MAPK4: variants seen among roughly 807,000 people sequenced by gnomAD.
MAPK4 encodes the protein Erk3-related.
In MAPK4, 22 loss-of-function variants were observed where a neutral mutation model predicts 47.7. That is an observed-to-expected ratio of 0.46 (90% CI 0.33 to 0.66). The LOEUF (loss-of-function observed/expected upper bound fraction) is 0.66. MAPK4 is among the 30% of genes least tolerant of loss of function. The pLI, the probability that MAPK4 is intolerant of heterozygous loss-of-function variation, is 0.02. For missense variants in MAPK4, 736 were observed against 831.7 expected, an observed-to-expected ratio of 0.88 and a Z score of 1.42; for synonymous variants, 390 against 365.7, an observed-to-expected ratio of 1.07 and a Z score of -0.76.
chr18:50,614,919 T>A (rs940199786), intron 1 of MAPK4, among the ~76,000 whole-genome samples: 1 of 151,886 alleles, frequency 6.6e-6, no homozygotes, highest in South Asian at 2.1e-4. Context: ...GAGGGAGGAG[T>A]TGTTGAGTCA....
At position 50,729,291 on chromosome 18, in the gene MAPK4, T is replaced by G. The variant is rs1911387653; in HGVS notation, c.1201T>G (p.Ser401Ala). ...EDVQVDPRKDSHSSSERFLEQ... is the reference protein window; with the variant it reads ...EDVQVDPRKDAHSSSERFLEQ... ...CGTGCAGGTGGACCCGCGCAAGGAC[T>G]CGCACAGCAGCTCCGAGCGCTTCCT... The change falls in exon 6 of 6, where the codon TCG becomes GCG. Residue 401 changes from serine (S) to alanine (A), a missense_variant. Physicochemically the swap from Ser to Ala is moderately conservative, Grantham distance 99. This residue lies in a region of MAPK4 where 377 missense variants were observed against 378.6 expected (regional missense o/e 1.00). Coordinates refer to ENST00000400384, the MANE Select transcript of MAPK4 (RefSeq NM_002747.4). 3.1e-6 allele frequency: 5 copies of G among 1,608,796 alleles called. No homozygotes were observed. The highest frequency in any genetic ancestry group is 3.4e-6 in the Non-Finnish European group (4 of 1,177,708).
At chr18:50,667,329 G>A (rs904948524) in intron 2 of MAPK4, among the ~76,000 whole-genome samples, 1 of 152,172 alleles carries the variant, frequency 6.6e-6, no homozygotes, top group Admixed American at 6.5e-5. Context: ...TTTGTTGACT[G>A]TATTGAACAG....
At chr18:50,680,153 G>A (rs1165859693) in intron 2 of MAPK4, among the ~76,000 whole-genome samples, 8 of 117,322 alleles carry the variant, frequency 6.8e-5, no homozygotes, top group African/African-American at 2.3e-4. Context: ...GTATGGTGGC[G>A]CAATCTCGGC....
chr18:50,576,000 GGTGAGGTT>G (rs1371541857), intron 1 of MAPK4, among the ~76,000 whole-genome samples: 1 of 152,150 alleles, frequency 6.6e-6, no homozygotes, highest in Admixed American at 6.5e-5. Flanking sequence ...ATAACATGCT[GGTGAGGTT>G]GTGGAGAAAA....
At chr18:50,716,350 C>A (rs999641277) in intron 3 of MAPK4, among the ~76,000 whole-genome samples, 1 of 152,184 alleles carries the variant, frequency 6.6e-6, no homozygotes, top group South Asian at 2.1e-4. Context: ...GTCTCCTCCT[C>A]CCTCTCTGGC....
intron 1 of MAPK4, among the ~76,000 whole-genome samples, chr18:50,601,020 G>T (rs2042532527): frequency 6.6e-6 from 1 of 151,032 alleles, no homozygotes; most frequent in Non-Finnish European, 1.5e-5. Flanking sequence ...CACTTTGGAA[G>T]GCCGAGGTGG....
chr18:50,563,410 G>A (rs910745866), intron 1 of MAPK4, among the ~76,000 whole-genome samples: 13 of 152,152 alleles, frequency 8.5e-5, no homozygotes, highest in African/African-American at 3.1e-4. Flanking sequence ...CTCAACACAC[G>A]AGTGCTGCTG....
chr18:50,670,326 T>C (rs1907868463), intron 2 of MAPK4: 1 of 152,246 alleles, frequency 6.6e-6, no homozygotes, highest in African/African-American at 2.4e-5. Flanking sequence ...TTTTGGTGGA[T>C]CATTCAAGCA....
intron 1 of MAPK4, among the ~76,000 whole-genome samples, chr18:50,592,271 G>T (rs141441711): frequency 6.6e-6 from 1 of 152,154 alleles, no homozygotes; most frequent in Admixed American, 6.5e-5. Flanking sequence ...AACTGTGTTG[G>T]TTCCTTATTT....
intron 1 of MAPK4, among the ~76,000 whole-genome samples, chr18:50,615,361 G>A (rs891809096): frequency 3.0e-4 from 46 of 152,310 alleles, no homozygotes; most frequent in Non-Finnish European, 6.3e-4. Context: ...AGTCCACCAT[G>A]GCACAGCAGT....
At chr18:50,616,495 A>T (rs1568046677) in intron 1 of MAPK4, among the ~76,000 whole-genome samples, 1 of 152,218 alleles carries the variant, frequency 6.6e-6, no homozygotes, top group Non-Finnish European at 1.5e-5. Flanking sequence ...AGATAAATAT[A>T]TGAGGGGGAG....
At position 50,560,119 on chromosome 18, in the gene MAPK4, C is replaced by CG. The variant is rs2042138841; in HGVS notation, c.-991dup. On this transcript the variant is annotated 5_prime_UTR_variant, in exon 1 of 6. Transcript: ENST00000400384. ...GAGCTGGAGCAGCGAGCCGGGCTGT[C>CG]GGGGCGACCGCGGGAGCTCGCCGTG... 1 of 148,842 alleles carries CG rather than the reference C, an allele frequency of 6.7e-6. No homozygotes were observed. The highest frequency in any genetic ancestry group is 2.4e-5 in the African/African-American group (1 of 41,042). The allele number at this position is 148,842 out of a possible 1,614,324, so 9.2% of individuals were successfully genotyped here. A position where few individuals can be genotyped will look rare whatever the true frequency, so the allele number is the denominator to read the frequency against.
At chr18:50,689,834 A>G (rs1457547105) in intron 2 of MAPK4, among the ~76,000 whole-genome samples, 2 of 152,214 alleles carry the variant, frequency 1.3e-5, no homozygotes. Flanking sequence ...TATATCTCAG[A>G]TTTCTCCAAA....
At chr18:50,593,750 A>G (rs1014946439) in intron 1 of MAPK4, among the ~76,000 whole-genome samples, 1 of 152,200 alleles carries the variant, frequency 6.6e-6, no homozygotes, top group African/African-American at 2.4e-5. Flanking sequence ...GAACATGCAC[A>G]AGATCCAAAA....
chr18:50,696,573 C>T (rs936337712), intron 2 of MAPK4, among the ~76,000 whole-genome samples: 2 of 152,228 alleles, frequency 1.3e-5, no homozygotes, highest in Middle Eastern at 3.2e-3. Flanking sequence ...AGGATCCGCA[C>T]ACCACTCACC....
intron 1 of MAPK4, among the ~76,000 whole-genome samples, chr18:50,587,893 T>C (rs897610644): frequency 6.6e-6 from 1 of 151,932 alleles, no homozygotes; most frequent in African/African-American, 2.4e-5. Context: ...CACGCCCAGC[T>C]CATTTTTATA....
At chr18:50,630,667 G>T (rs2144151989) in intron 1 of MAPK4, among the ~76,000 whole-genome samples, 1 of 152,336 alleles carries the variant, frequency 6.6e-6, no homozygotes, top group Non-Finnish European at 1.5e-5. Flanking sequence ...CTCTGATCCT[G>T]CACCTGGCAG....
At chr18:50,597,824 T>C (rs945382745) in intron 1 of MAPK4, among the ~76,000 whole-genome samples, 1 of 152,206 alleles carries the variant, frequency 6.6e-6, no homozygotes, top group Non-Finnish European at 1.5e-5. Flanking sequence ...AAAATTGAGA[T>C]TAATGCCATC....
intron 1 of MAPK4, among the ~76,000 whole-genome samples, chr18:50,637,835 C>T (rs181238952): frequency 3.0e-4 from 45 of 152,334 alleles, no homozygotes; most frequent in Non-Finnish European, 5.6e-4. Flanking sequence ...GTGTGGCCTA[C>T]GTCCTAACCT....
Sources: allele counts gnomAD v4.1 joint callset (sites outside exome capture counted in the v4.1 genomes callset), GRCh38; gene constraint gnomAD v4.1.1; regional missense constraint gnomAD v4.1.1; transcripts MANE v1.5; gene names NCBI Gene and HGNC (gene_info 2026-07-23, HGNC 2026-07-21).